Variants in MYPN observed in about 807,000 individuals in gnomAD.
MYPN encodes sarcomeric protein myopalladin, 145 kDa (MYOP).
In MYPN, 63 loss-of-function variants were observed where a neutral mutation model predicts 129.4. That is an observed-to-expected ratio of 0.49 (90% CI 0.40 to 0.60). The LOEUF (loss-of-function observed/expected upper bound fraction) is 0.60, where lower values mean the gene tolerates loss of function less well. MYPN is among the 20% of genes least tolerant of loss of function. The pLI is 0.00. For missense variants in MYPN, 1,596 were observed against 1,635.4 expected, an observed-to-expected ratio of 0.98 and a Z score of 0.42; for synonymous variants, 629 against 600.9, an observed-to-expected ratio of 1.05 and a Z score of -0.68.
intron 6 of MYPN, among the ~76,000 whole-genome samples, chr10:68,156,184 G>A (rs2042870281): frequency 6.6e-6 from 1 of 152,002 alleles, no homozygotes; most frequent in Admixed American, 6.6e-5. Flanking sequence ...CACCTTTTTT[G>A]ATGTTTGGTT....
intron 12 of MYPN, among the ~76,000 whole-genome samples, chr10:68,186,433 T>C (rs569304646): frequency 4.6e-5 from 7 of 152,302 alleles, no homozygotes; most frequent in Admixed American, 2.6e-4. Context: ...ACTCAGTTAC[T>C]CTCCCGCTGA....
intron 19 of MYPN, 70 bp from the exon 20 acceptor site, chr10:68,210,216 T>C (rs939663251): frequency 6.4e-7 from 1 of 1,561,512 alleles, no homozygotes; most frequent in Admixed American, 1.7e-5. Context: ...GAGGACAGAA[T>C]GCACCTCTGC....
At chr10:68,103,766 G>A (rs1192982481), upstream of MYPN, among the ~76,000 whole-genome samples, 3 of 152,078 alleles carry the variant, frequency 2.0e-5, no homozygotes, top group Admixed American at 2.0e-4. Context: ...CCTGACTAAC[G>A]TGGTGAAACC....
At chr10:68,206,159 A>G (rs1343156836) in intron 18 of MYPN, among the ~76,000 whole-genome samples, 1 of 152,138 alleles carries the variant, frequency 6.6e-6, no homozygotes, top group Non-Finnish European at 1.5e-5. Flanking sequence ...GCATATTGCA[A>G]TTACTGGGGA....
intron 7 of MYPN, among the ~76,000 whole-genome samples, chr10:68,159,432 C>T (rs2634707): frequency 0.04 from 6,164 of 152,308 alleles, 296 homozygotes; most frequent in African/African-American, 0.11. Context: ...TTAATCTGCG[C>T]TTCACTAATT....
intron 6 of MYPN, among the ~76,000 whole-genome samples, chr10:68,150,539 G>A (rs977170254): frequency 2.7e-5 from 4 of 147,634 alleles, no homozygotes; most frequent in African/African-American, 9.8e-5. Flanking sequence ...AGGACAAAGA[G>A]CTTTCTTTTT....
intron 1 of MYPN, among the ~76,000 whole-genome samples, chr10:68,087,998 G>C (rs2041914962): frequency 6.6e-6 from 1 of 152,178 alleles, no homozygotes; most frequent in African/African-American, 2.4e-5. Flanking sequence ...GCCAGGTAAG[G>C]TCCTCCCTCA....
intron 8 of MYPN, chr10:68,165,437 G>A: frequency 3.9e-6 from 2 of 510,336 alleles, no homozygotes; most frequent in Non-Finnish European, 7.6e-6. Context: ...GGGCAACAGA[G>A]CGAGACTCCA....
intron 1 of MYPN, among the ~76,000 whole-genome samples, chr10:68,090,953 C>T (rs539900865): frequency 3.9e-5 from 6 of 152,070 alleles, no homozygotes; most frequent in Non-Finnish European, 7.4e-5. Flanking sequence ...TAGAGTGATC[C>T]GGCCCCTTAG....
intron 2 of MYPN, among the ~76,000 whole-genome samples, chr10:68,137,237 GA>G (rs1303983457): frequency 2.0e-5 from 3 of 152,132 alleles, no homozygotes; most frequent in Non-Finnish European, 4.4e-5. Context: ...TGGCTTAATG[GA>G]AGACAGCTGG....
intron 1 of MYPN, among the ~76,000 whole-genome samples, chr10:68,113,918 T>C (rs955371061): frequency 1.3e-5 from 2 of 152,218 alleles, no homozygotes; most frequent in Admixed American, 6.5e-5. Context: ...AGCTCTACTC[T>C]TTTAGTAATA....
At chr10:68,158,161 G>A (rs758797622) in intron 6 of MYPN, 159 of 275,772 alleles carry the variant, frequency 5.8e-4, no homozygotes, top group Non-Finnish European at 9.0e-4. Context: ...GGCTATGCGG[G>A]TGCCCTTTTT....
chr10:68,174,712 A>T, intron 11 of MYPN, 56 bp downstream of exon 11: 1 of 1,477,074 alleles, frequency 6.8e-7, no homozygotes, highest in South Asian at 1.1e-5. Context: ...CGATGTGCAC[A>T]TTGAATAGCT....
At chr10:68,112,307 C>A (rs1055929449) in intron 1 of MYPN, among the ~76,000 whole-genome samples, 1 of 152,156 alleles carries the variant, frequency 6.6e-6, no homozygotes, top group African/African-American at 2.4e-5. Flanking sequence ...GCTCTGGCTG[C>A]AGTGTCTTTC....
intron 12 of MYPN, among the ~76,000 whole-genome samples, chr10:68,182,575 C>T (rs1051601802): frequency 2.0e-5 from 3 of 150,180 alleles, no homozygotes; most frequent in African/African-American, 7.4e-5. Flanking sequence ...GGCATGATCT[C>T]GGCTCACTGC....
chr10:68,195,785 T>C (rs1564695121), intron 15 of MYPN, among the ~76,000 whole-genome samples: 1 of 99,176 alleles, frequency 1.0e-5, no homozygotes, highest in Non-Finnish European at 2.6e-5. Flanking sequence ...CACTAGTCTC[T>C]GGGGCTTTTT....
chr10:68,092,071 A>G (rs2041933632), intron 1 of MYPN, among the ~76,000 whole-genome samples: 1 of 152,120 alleles, frequency 6.6e-6, no homozygotes, highest in Non-Finnish European at 1.5e-5. Flanking sequence ...AACAGAGCAC[A>G]GCTCTGTCTC....
intron 1 of MYPN, among the ~76,000 whole-genome samples, chr10:68,119,281 TTAAC>T (rs1405636656): frequency 1.3e-5 from 2 of 152,282 alleles, no homozygotes; most frequent in Non-Finnish European, 2.9e-5. Context: ...AATAATTTAA[TTAAC>T]TAATTTCTTA....
chr10:68,205,245 T>C (rs1451154453), intron 18 of MYPN, among the ~76,000 whole-genome samples: 2 of 152,144 alleles, frequency 1.3e-5, no homozygotes, highest in African/African-American at 2.4e-5. Context: ...CTTCCCAGAA[T>C]AACCTTTTCC....
Sources: gnomAD v4.1 joint callset for allele counts (sites outside exome capture counted in the v4.1 genomes callset) on GRCh38, gnomAD v4.1.1 for gene constraint, MANE v1.5 for transcripts, NCBI Gene and HGNC (gene_info 2026-07-23, HGNC 2026-07-21) for gene names.